The following NXPE3 variants were observed in gnomAD, a reference collection of about 807,000 sequenced individuals.
NXPE3 encodes the protein NXPE family member 3.
NXPE3 carries 26 observed loss-of-function variants against 46.1 expected under a neutral mutation model. The ratio of observed to expected loss-of-function variants is 0.56; its 90% CI spans 0.41 to 0.78. The LOEUF is 0.78. Among genes scored for constraint, NXPE3 ranks in the 30% least tolerant of loss-of-function variants. The pLI, the probability that NXPE3 is intolerant of heterozygous loss-of-function variation, is 0.00. For missense variants in NXPE3, 620 were observed against 686.0 expected (o/e 0.90, Z 1.07); for synonymous variants, 272 against 257.9 (o/e 1.05, Z -0.52).
At chr3:101,810,532 G>A (rs1392780591) in intron 6 of NXPE3, among the ~76,000 whole-genome samples, 1 of 152,178 alleles carries the variant, frequency 6.6e-6, no homozygotes, top group African/African-American at 2.4e-5. Context: ...TGACAAAGTT[G>A]ACTTTAAGAG....
Position 101,808,854 on chromosome 3 carries a change from T to TATATACACACATATATATATAC in NXPE3, c.922+1730_922+1731insATACACACATATATATATACAT, listed in dbSNP as rs770360739. On this transcript the variant is annotated intron_variant, in intron 6 of 7. Coordinates refer to ENST00000273347, the MANE Select transcript of NXPE3 (RefSeq NM_145037.4). The stretch of plus-strand genomic sequence containing the variant: ...ATATATATATATATATATATATATA[T>TATATACACACATATATATATAC]ATGAGACATTTATCTTTTATCTGTT... Among the ~76,000 whole-genome samples the TATATACACACATATATATATAC allele has an allele frequency of 1.3e-4, 13 of 100,348 alleles. 1 individual carries two copies. The highest frequency in any genetic ancestry group is 1.7e-4 in the Non-Finnish European group (8 of 48,116). 65.8% of individuals were successfully genotyped at this position (100,348 alleles called of 152,430 possible). A position where few individuals can be genotyped will look rare whatever the true frequency, so the allele number is the denominator to read the frequency against.
intron 5 of NXPE3, 100 bp from the exon 6 acceptor site, chr3:101,806,953 G>T (rs944394635): frequency 2.5e-6 from 2 of 805,532 alleles, no homozygotes; most frequent in Non-Finnish European, 4.3e-6. Flanking sequence ...TCATAATAAG[G>T]CTCCGTGAAA....
In NXPE3 at chr3:101,780,607, T is replaced by C. The variant is rs538980033; in HGVS notation, c.-498+1283T>C. Among the ~76,000 whole-genome samples the C allele has an allele frequency of 2.0e-5, 3 of 152,338 alleles. No homozygotes were observed. The East Asian group carries it at 5.8e-4, about 29-fold the overall frequency. On this transcript the variant is annotated intron_variant, in intron 1 of 7. Coordinates refer to ENST00000273347, the MANE Select transcript of NXPE3 (RefSeq NM_145037.4). The stretch of plus-strand genomic sequence containing the variant: ...TTCTTGGGCCTATTCCTACAGATTC[T>C]GATTTAATTGTTTGAGTGGGGCCCA...
intron 7 of NXPE3, among the ~76,000 whole-genome samples, chr3:101,817,339 T>C (rs1438467095): frequency 2.0e-5 from 3 of 152,210 alleles, no homozygotes; most frequent in Non-Finnish European, 1.5e-5. Flanking sequence ...CCTTCTAATA[T>C]TCTGGGTTGT....
intron 4 of NXPE3, 77 bp downstream of exon 4, chr3:101,785,766 T>C (rs1037114781): frequency 4.1e-6 from 5 of 1,227,970 alleles, no homozygotes; most frequent in Non-Finnish European, 6.0e-6. Context: ...TGGGAAAACG[T>C]TGGTTATCGG....
intron 6 of NXPE3, among the ~76,000 whole-genome samples, chr3:101,812,811 C>CAAAAAAAAAAAAAAA (rs57029374): frequency 1.7e-5 from 1 of 58,708 alleles, no homozygotes; most frequent in Non-Finnish European, 3.0e-5. Context: ...GACTCCGTCT[C>CAAAAAAAAAAAAAAA]AAAAAAAAAA....
chr3:101,808,459 G>T (rs574675504), intron 6 of NXPE3, among the ~76,000 whole-genome samples: 11 of 152,090 alleles, frequency 7.2e-5, no homozygotes, highest in Non-Finnish European at 1.2e-4. Context: ...GAGTGGTGGG[G>T]AAGGAACTGA....
intron 4 of NXPE3, among the ~76,000 whole-genome samples, chr3:101,797,471 T>G (rs1940898827): frequency 6.8e-6 from 1 of 147,110 alleles, no homozygotes; most frequent in African/African-American, 2.5e-5. Context: ...ATGTGCACAT[T>G]GTGCAGGTTA....
intron 4 of NXPE3, among the ~76,000 whole-genome samples, chr3:101,792,711 T>G (rs1940590196): frequency 6.6e-6 from 1 of 152,220 alleles, no homozygotes; most frequent in Non-Finnish European, 1.5e-5. Context: ...GACACCAGCT[T>G]TATTCTTTTT....
In NXPE3 at chr3:101,801,954, TCTC is replaced by T. The variant is rs1490932884; in HGVS notation, c.816_818del (p.Leu273del). The T allele has an allele frequency of 4.3e-6, 7 of 1,612,740 alleles. No individual in the cohort carries two copies. The highest frequency in any genetic ancestry group is 2.5e-6 in the Non-Finnish European group (3 of 1,179,806). On this transcript the variant is annotated inframe_deletion, in exon 5 of 8. Transcript: ENST00000273347. ...ATTTCAAAGGTGGATACCTGAAAGG[TCTC>T]CTAACCGCTGCAGAGAGTGCTTTCT... is the stretch of plus-strand genomic sequence containing the variant.
Position 101,801,340 on chromosome 3 carries a change from C to A in NXPE3, c.199C>A (p.Gln67Lys). Reference protein sequence around the residue: ...ISRNPYCGYDQQTLSSQERME... With the variant: ...ISRNPYCGYDKQTLSSQERME... ...CCGAAATCCCTACTGTGGCTATGAT[C>A]AGCAGACCCTGTCCAGCCAGGAGCG... The change falls in exon 5 of 8, where the codon CAG becomes AAG. Residue 67 changes from glutamine to lysine, a missense_variant. Gln to Lys is a moderately conservative substitution (Grantham distance 53, BLOSUM62 1). This residue lies in a region of NXPE3 where 511 missense variants were observed against 528.6 expected (regional missense o/e 0.97). Transcript: ENST00000273347. 1 of 1,614,210 alleles carries A rather than the reference C, an allele frequency of 6.2e-7. No homozygotes were observed. Among genetic ancestry groups the A allele is most frequent in the African/African-American group, 1.3e-5 (1 of 75,042 alleles).
At chr3:101,785,919 A>G (rs559615909) in intron 4 of NXPE3, among the ~76,000 whole-genome samples, 12 of 152,286 alleles carry the variant, frequency 7.9e-5, no homozygotes, top group African/African-American at 2.6e-4. Flanking sequence ...TGCTCACATA[A>G]TAAGTGTGCA....
chr3:101,781,601 A>G (rs975062735), intron 1 of NXPE3: 2 of 152,256 alleles, frequency 1.3e-5, no homozygotes, highest in Admixed American at 6.5e-5. Context: ...AAGGCAGAGC[A>G]TGCATTTAAC....
chr3:101,790,981 G>T (rs1485507818), intron 4 of NXPE3, among the ~76,000 whole-genome samples: 1 of 151,934 alleles, frequency 6.6e-6, no homozygotes, highest in Non-Finnish European at 1.5e-5. Flanking sequence ...AGGTTTGGGG[G>T]TACATGTAAA....
intron 6 of NXPE3, among the ~76,000 whole-genome samples, chr3:101,808,443 T>G (rs1941531275): frequency 6.6e-6 from 1 of 152,046 alleles, no homozygotes; most frequent in South Asian, 2.1e-4. Context: ...GCCACAAGCC[T>G]TGTATGAGTG....
Position 101,821,709 on chromosome 3 carries a change from G to T in NXPE3, c.1435G>T (p.Val479Leu). 1 of 1,614,244 alleles carries T rather than the reference G, an allele frequency of 6.2e-7. No individual in the cohort carries two copies. The highest frequency in any genetic ancestry group is 1.3e-5 in the African/African-American group (1 of 75,070). Residue 479 changes from valine to leucine, a missense_variant, in exon 8 of 8, where the codon GTG (valine) becomes TTG (leucine). By Grantham distance (32) the Val-to-Leu change is conservative. This residue lies in a region of NXPE3 where 75 missense variants were observed against 121.1 expected (regional missense o/e 0.62). Coordinates refer to ENST00000273347, the MANE Select transcript of NXPE3 (RefSeq NM_145037.4). ...CCTCGATCGAAGCCCAAAGACCGTG[G>T]TGGTCATCCGGACGGCCAACGCCCA... ...RLLDRSPKTVVVIRTANAQEL... is the reference protein window; with the variant it reads ...RLLDRSPKTVLVIRTANAQEL...
intron 4 of NXPE3, among the ~76,000 whole-genome samples, chr3:101,789,520 T>G (rs1940381404): frequency 6.6e-6 from 1 of 152,148 alleles, no homozygotes; most frequent in Non-Finnish European, 1.5e-5. Flanking sequence ...CACTTCAGCT[T>G]GGGCAGCAGG....
intron 4 of NXPE3, among the ~76,000 whole-genome samples, chr3:101,786,167 C>G (rs1940162539): frequency 6.6e-6 from 1 of 152,114 alleles, no homozygotes; most frequent in African/African-American, 2.4e-5. Flanking sequence ...GGGACCATGT[C>G]TTACTGAATC....
intron 6 of NXPE3, among the ~76,000 whole-genome samples, chr3:101,811,964 C>T (rs144319377): frequency 4.9e-4 from 75 of 152,074 alleles, no homozygotes; most frequent in Non-Finnish European, 8.4e-4. Flanking sequence ...AAACTCCTGA[C>T]CTCAAGTGAT....
Sources: gnomAD v4.1 joint callset for allele counts (sites outside exome capture counted in the v4.1 genomes callset) on GRCh38, gnomAD v4.1.1 for gene constraint, gnomAD v4.1.1 regional missense constraint, MANE v1.5 for transcripts, NCBI Gene and HGNC (gene_info 2026-07-23, HGNC 2026-07-21) for gene names.